The following CD109 variants were observed in gnomAD, a reference collection of about 807,000 sequenced individuals.
CD109 encodes CD109 antigen.
A neutral mutation model predicts 165.8 loss-of-function variants in CD109; 149 were observed. The observed-to-expected ratio is 0.90, with a 90% confidence interval of 0.79 to 1.03. CD109 has a LOEUF of 1.03. Ranked by LOEUF, CD109 falls within the 50% of genes least tolerant of loss-of-function variation. The pLI is 0.00. For missense variants in CD109, 1,712 were observed against 1,677.8 expected, an observed-to-expected ratio of 1.02 and a Z score of -0.36; for synonymous variants, 585 against 592.1, an observed-to-expected ratio of 0.99 and a Z score of 0.18.
At chr6:73,731,881 C>T (rs1437538804) in intron 4 of CD109, among the ~76,000 whole-genome samples, 5 of 152,290 alleles carry the variant, frequency 3.3e-5, no homozygotes, top group South Asian at 4.1e-4. Context: ...GCTCACTAAA[C>T]GTTAGCCATT....
At chr6:73,753,910 A>C (rs1773287904) in intron 5 of CD109, among the ~76,000 whole-genome samples, 1 of 152,214 alleles carries the variant, frequency 6.6e-6, no homozygotes, top group African/African-American at 2.4e-5. Context: ...ATTCATTTAT[A>C]CTTATGTTTA....
At chr6:73,694,872 C>G (rs954379287), upstream of CD109, 6 of 152,326 alleles carry the variant, frequency 3.9e-5, no homozygotes, top group Non-Finnish European at 7.3e-5. Context: ...CACACAGACA[C>G]TTTTGACCAT....
At chr6:73,782,162 G>T (rs1254587761) in intron 17 of CD109, among the ~76,000 whole-genome samples, 1 of 152,052 alleles carries the variant, frequency 6.6e-6, no homozygotes, top group Non-Finnish European at 1.5e-5. Flanking sequence ...GCTGGTTCTT[G>T]CCCCAACAGG....
rs745829346 is a variant in CD109 at position 73,792,681 on chromosome 6, T to C, written c.2757T>C (p.Tyr919=). Reference sequence around the variant, plus strand: ...TAGCCTCATTGATTCGGATGCCTTATGGCTGTGGTGAACAGAACATGATAA... The same window carrying C: ...TAGCCTCATTGATTCGGATGCCTTACGGCTGTGGTGAACAGAACATGATAA... ...NGLASLIRMP[Y]GCGEQNMINF... is the part of the protein sequence containing the mutation. The change falls in exon 23 of 33, where the codon TAT becomes TAC. Residue 919 remains tyrosine (Y), a synonymous_variant. Transcript: ENST00000287097. The C allele has an allele frequency of 1.1e-5, 18 of 1,613,360 alleles. No individual in the cohort carries two copies. In the African/African-American group the frequency reaches 2.4e-4, roughly 22 times the overall value.
Position 73,754,671 on chromosome 6 carries a change from C to A in CD109, c.634-1972C>A, listed in dbSNP as rs1238403760. Among the ~76,000 whole-genome samples, 3 of 152,250 alleles carry A rather than the reference C, an allele frequency of 2.0e-5. No homozygotes were observed. The East Asian group carries it at 5.8e-4, about 29-fold the overall frequency. On this transcript the variant is annotated intron_variant, in intron 5 of 32. Transcript: ENST00000287097. Reference sequence around the variant, plus strand: ...TAATCAAACACACATTTATTGAGCACTTATTTTGTACTAGGTGCTATAACA... The same window carrying A: ...TAATCAAACACACATTTATTGAGCAATTATTTTGTACTAGGTGCTATAACA...
At chr6:73,758,618 A>G (rs1773491278) in intron 6 of CD109, among the ~76,000 whole-genome samples, 1 of 152,136 alleles carries the variant, frequency 6.6e-6, no homozygotes, top group Non-Finnish European at 1.5e-5. Flanking sequence ...TCCTGACCTC[A>G]GGTGATCCAC....
intron 4 of CD109, among the ~76,000 whole-genome samples, chr6:73,735,953 G>A (rs1436685454): frequency 2.0e-5 from 3 of 152,172 alleles, no homozygotes; most frequent in Non-Finnish European, 2.9e-5. Context: ...GCCACCAGGG[G>A]TTTGGTGACG....
chr6:73,814,925 C>T (rs1775882338), intron 29 of CD109, 56 bp from the exon 30 acceptor site: 1 of 1,337,906 alleles, frequency 7.5e-7, no homozygotes, highest in Non-Finnish European at 9.8e-7. Context: ...ATTTAGAAGG[C>T]AAAATGATGG....
At chr6:73,717,428 T>C (rs942623639) in intron 2 of CD109, among the ~76,000 whole-genome samples, 2 of 152,064 alleles carry the variant, frequency 1.3e-5, no homozygotes, top group African/African-American at 4.8e-5. Context: ...CTTTTCATTT[T>C]TTTGGTGTCA....
the CD109 span, among the ~76,000 whole-genome samples, chr6:73,681,733 G>T: frequency 6.6e-6 from 1 of 151,950 alleles, no homozygotes; most frequent in Non-Finnish European, 1.5e-5. Flanking sequence ...CTCCTGAGTA[G>T]CTGGGATTAC....
chr6:73,707,175 C>A (rs980180782), intron 2 of CD109, among the ~76,000 whole-genome samples: 2 of 152,152 alleles, frequency 1.3e-5, no homozygotes, highest in Non-Finnish European at 2.9e-5. Context: ...GACTAGAGAA[C>A]TGGATGAATT....
chr6:73,708,834 G>T (rs554840451), intron 2 of CD109, among the ~76,000 whole-genome samples: 17 of 152,148 alleles, frequency 1.1e-4, no homozygotes, highest in Non-Finnish European at 2.2e-4. Flanking sequence ...TTGCCCACTT[G>T]TTGATGGGGT....
chr6:73,795,073 T>A, intron 23 of CD109, among the ~76,000 whole-genome samples: 1 of 135,706 alleles, frequency 7.4e-6, no homozygotes, highest in East Asian at 2.1e-4. Flanking sequence ...TTGTCATGAA[T>A]GAACGTTGTA....
intron 5 of CD109, among the ~76,000 whole-genome samples, chr6:73,746,007 G>A (rs1239890949): frequency 6.6e-6 from 1 of 152,218 alleles, no homozygotes; most frequent in Non-Finnish European, 1.5e-5. Flanking sequence ...TGGGATTATA[G>A]GCATAAGCCA....
intron 2 of CD109, among the ~76,000 whole-genome samples, chr6:73,717,139 T>C (rs1771770364): frequency 6.6e-6 from 1 of 152,186 alleles, no homozygotes; most frequent in Admixed American, 6.5e-5. Flanking sequence ...TGGTCGTGTG[T>C]CTGTTTTTAT....
At chr6:73,822,069 G>T (rs1324570757) in intron 32 of CD109, among the ~76,000 whole-genome samples, 2 of 152,108 alleles carry the variant, frequency 1.3e-5, no homozygotes, top group Non-Finnish European at 2.9e-5. Flanking sequence ...AATAACTTGA[G>T]CTTCTTTGAT....
intron 7 of CD109, among the ~76,000 whole-genome samples, chr6:73,760,372 A>C (rs1773572207): frequency 1.6e-5 from 2 of 128,352 alleles, no homozygotes; most frequent in African/African-American, 5.9e-5. Context: ...GTGCCACTGC[A>C]GTCCGGCCTG....
chr6:73,792,672 G>C lies in CD109; in HGVS notation c.2748G>C (p.Arg916=). The C allele has an allele frequency of 6.2e-7, 1 of 1,613,222 alleles. No homozygotes were observed. Among genetic ancestry groups the C allele is most frequent in the Non-Finnish European group, 8.5e-7 (1 of 1,179,946 alleles). ...PSINGLASLI[R]MPYGCGEQNM... is the part of the protein sequence containing the mutation. ...TCAATGGCTTAGCCTCATTGATTCGGATGCCTTATGGCTGTGGTGAACAGA... is the reference window on the plus strand; with the variant it reads ...TCAATGGCTTAGCCTCATTGATTCGCATGCCTTATGGCTGTGGTGAACAGA... Residue 916 remains arginine (R), a synonymous_variant, in exon 23 of 33, where the codon CGG becomes CGC. Transcript: ENST00000287097.
chr6:73,778,595 T>G (rs1774353585), intron 15 of CD109, among the ~76,000 whole-genome samples: 1 of 152,216 alleles, frequency 6.6e-6, no homozygotes, highest in South Asian at 2.1e-4. Context: ...ACTCTAGCCT[T>G]TTCTCTCCAA....
Sources: allele counts gnomAD v4.1 joint callset (sites outside exome capture counted in the v4.1 genomes callset), GRCh38; gene constraint gnomAD v4.1.1; transcripts MANE v1.5; gene names NCBI Gene and HGNC (gene_info 2026-07-23, HGNC 2026-07-21).